GRIK4: variants seen among roughly 807,000 people sequenced by gnomAD.
GRIK4 encodes the protein glutamate ionotropic receptor kainate type subunit 4, also known as glutamate receptor ionotropic, kainate 4.
GRIK4 carries 40 observed loss-of-function variants against 104.9 expected under a neutral mutation model. The ratio of observed to expected loss-of-function variants is 0.38; its 90% CI spans 0.30 to 0.50. The LOEUF (loss-of-function observed/expected upper bound fraction) is 0.50, where lower values mean the gene tolerates loss of function less well. Ranked by LOEUF, GRIK4 falls within the 20% of genes least tolerant of loss-of-function variation. The pLI is 0.93. For synonymous variants in GRIK4, 485 were observed against 524.9 expected (o/e 0.92, Z 1.04); for missense variants, 1,047 against 1,308.1 (o/e 0.80, Z 3.08).
intron 11 of GRIK4, among the ~76,000 whole-genome samples, chr11:120,881,786 A>G (rs902852010): frequency 6.6e-6 from 1 of 151,526 alleles, no homozygotes; most frequent in African/African-American, 2.4e-5. Flanking sequence ...TTTCCGGGGG[A>G]GTTGGGATCC....
intron 3 of GRIK4, among the ~76,000 whole-genome samples, chr11:120,790,752 A>T (rs989636521): frequency 2.0e-5 from 3 of 152,114 alleles, no homozygotes; most frequent in African/African-American, 7.2e-5. Flanking sequence ...GAAAGCAAGG[A>T]GTGGCGGCAG....
intron 3 of GRIK4, among the ~76,000 whole-genome samples, chr11:120,759,384 A>T (rs1951706439): frequency 6.6e-6 from 1 of 152,184 alleles, no homozygotes; most frequent in Non-Finnish European, 1.5e-5. Flanking sequence ...GGGACATCAG[A>T]TTCAGGCTTT....
At chr11:120,743,912 G>A (rs529553696) in intron 3 of GRIK4, among the ~76,000 whole-genome samples, 77 of 152,284 alleles carry the variant, frequency 5.1e-4, no homozygotes, top group African/African-American at 1.8e-3. Context: ...CGGTGGAAGG[G>A]CTTTAATATG....
At chr11:120,789,622 C>T (rs1049719540) in intron 3 of GRIK4, among the ~76,000 whole-genome samples, 4 of 152,154 alleles carry the variant, frequency 2.6e-5, no homozygotes, top group Non-Finnish European at 4.4e-5. Flanking sequence ...GGAAGCCCTC[C>T]TCTTGTCCCT....
intron 19 of GRIK4, among the ~76,000 whole-genome samples, chr11:120,978,643 G>A (rs1944601454): frequency 6.6e-6 from 1 of 152,172 alleles, no homozygotes; most frequent in Non-Finnish European, 1.5e-5. Context: ...CCAAGCAAGA[G>A]ATGGTGGGTG....
chr11:120,668,304 AAAG>A (rs1375271991), intron 3 of GRIK4, among the ~76,000 whole-genome samples: 5 of 152,000 alleles, frequency 3.3e-5, no homozygotes, highest in South Asian at 2.1e-4. Flanking sequence ...AGAAAAAAGA[AAAG>A]AAAAGAAGAA....
At chr11:120,624,474 A>C (rs1026664714) in intron 1 of GRIK4, among the ~76,000 whole-genome samples, 1 of 151,360 alleles carries the variant, frequency 6.6e-6, no homozygotes. Context: ...TCCCATAGCC[A>C]CTCTCTACTC....
intron 3 of GRIK4, among the ~76,000 whole-genome samples, chr11:120,717,852 C>A (rs1022806005): frequency 6.6e-6 from 1 of 152,248 alleles, no homozygotes; most frequent in South Asian, 2.1e-4. Flanking sequence ...TGAGGCTCCA[C>A]GGGCTTAGGC....
At chr11:120,655,860 G>T (rs2135229022) in intron 2 of GRIK4, among the ~76,000 whole-genome samples, 1 of 152,296 alleles carries the variant, frequency 6.6e-6, no homozygotes, top group South Asian at 2.1e-4. Context: ...GGGCTTGGTG[G>T]AGACTACGCC....
At chr11:120,721,220 A>C (rs1036958992) in intron 3 of GRIK4, among the ~76,000 whole-genome samples, 10 of 152,174 alleles carry the variant, frequency 6.6e-5, no homozygotes, top group African/African-American at 2.4e-4. Flanking sequence ...GTGATCTCTA[A>C]GCTGTCAGCT....
At chr11:120,862,704 C>T (rs534344932) in intron 9 of GRIK4, among the ~76,000 whole-genome samples, 11 of 152,212 alleles carry the variant, frequency 7.2e-5, no homozygotes, top group East Asian at 1.9e-4. Context: ...TGGCCCCTTC[C>T]GGCATGTGTG....
At position 120,549,860 on chromosome 11, in the gene GRIK4, G is replaced by T. The variant is rs1948122463; in HGVS notation, c.-159+37973G>T. ...AGCCCCTTTGTGGCCCTTAGAAAAA[G>T]GCTATGCTGGATGTTGAGATGTGAA... On this transcript the variant is annotated intron_variant, in intron 1 of 20. Transcript: ENST00000527524. The surrounding 1 kb of genome is among the most constrained non-coding windows in gnomAD (Gnocchi z 4.7). Among the ~76,000 whole-genome samples, 1 of 152,208 alleles carries T rather than the reference G, an allele frequency of 6.6e-6. No homozygotes were observed. The highest frequency in any genetic ancestry group is 1.5e-5 in the Non-Finnish European group (1 of 68,034).
chr11:120,694,977 C>T (rs1591811221), intron 3 of GRIK4, among the ~76,000 whole-genome samples: 1 of 152,322 alleles, frequency 6.6e-6, no homozygotes, highest in East Asian at 1.9e-4. Context: ...ATTTCCTTTT[C>T]CCCTTCAGAG....
At chr11:120,968,954 G>C (rs114269081) in intron 19 of GRIK4, among the ~76,000 whole-genome samples, 1 of 152,156 alleles carries the variant, frequency 6.6e-6, no homozygotes, top group Admixed American at 6.5e-5. Flanking sequence ...CCCTAGCACC[G>C]TGCTCTGCTG....
chr11:120,540,068 A>C (rs1565543219), intron 1 of GRIK4, among the ~76,000 whole-genome samples: 1 of 152,124 alleles, frequency 6.6e-6, no homozygotes, highest in Non-Finnish European at 1.5e-5. Flanking sequence ...ATGACAAGAA[A>C]GGTGCTCACA....
intron 3 of GRIK4, among the ~76,000 whole-genome samples, chr11:120,686,361 C>G (rs1158348716): frequency 6.6e-6 from 1 of 152,230 alleles, no homozygotes; most frequent in African/African-American, 2.4e-5. Flanking sequence ...ACACAAATAC[C>G]TGTACTTCTT....
Position 120,987,319 on chromosome 11 carries a change from A to G in GRIK4, c.*1059A>G, listed in dbSNP as rs2034341855. ...CTGGGCCACCCCGTTGGTATGGTGC[A>G]TACTTTGTCAACTGCATCTCTTTTC... On this transcript the variant is annotated 3_prime_UTR_variant, in exon 21 of 21. Coordinates refer to ENST00000527524, the MANE Select transcript of GRIK4 (RefSeq NM_014619.5). 2 of 152,238 alleles carry G rather than the reference A, an allele frequency of 1.3e-5. No homozygotes were observed. The highest frequency in any genetic ancestry group is 4.1e-4 in the South Asian group (2 of 4,832). The allele number at this position is 152,238 out of a possible 1,614,324, so 9.4% of individuals were successfully genotyped here.
intron 8 of GRIK4, among the ~76,000 whole-genome samples, chr11:120,854,373 A>G (rs746430862): frequency 6.6e-6 from 1 of 152,224 alleles, no homozygotes; most frequent in Non-Finnish European, 1.5e-5. Context: ...TCTGGAGTGA[A>G]GAGGCTGCAA....
At chr11:120,806,158 T>C (rs1426731500) in intron 4 of GRIK4, among the ~76,000 whole-genome samples, 2 of 152,158 alleles carry the variant, frequency 1.3e-5, no homozygotes, top group Admixed American at 1.3e-4. Context: ...GTTGTTGGCT[T>C]CATTCTCTCA....
Sources: gnomAD v4.1 joint callset for allele counts (sites outside exome capture counted in the v4.1 genomes callset) on GRCh38, gnomAD v4.1.1 for gene constraint, Gnocchi (gnomAD v3.1) non-coding constraint, MANE v1.5 for transcripts, NCBI Gene and HGNC (gene_info 2026-07-23, HGNC 2026-07-21) for gene names.